FLRT1: variants seen among roughly 807,000 people sequenced by gnomAD.
The protein encoded by FLRT1 is fibronectin leucine rich transmembrane protein 1.
FLRT1 carries 14 observed loss-of-function variants against 30.9 expected under a neutral mutation model. The ratio of observed to expected loss-of-function variants is 0.45; its 90% CI spans 0.30 to 0.71. FLRT1 has a LOEUF of 0.71. Ranked by LOEUF, FLRT1 falls within the 30% of genes least tolerant of loss-of-function variation. The pLI, the probability that FLRT1 is intolerant of heterozygous loss-of-function variation, is 0.08. For synonymous variants in FLRT1, 368 were observed against 430.4 expected, an observed-to-expected ratio of 0.85 and a Z score of 1.80; for missense variants, 737 against 949.2, an observed-to-expected ratio of 0.78 and a Z score of 2.94.
chr11:64,077,079 C>T (rs1204172296), intron 1 of FLRT1, among the ~76,000 whole-genome samples: 1 of 152,068 alleles, frequency 6.6e-6, no homozygotes, highest in Non-Finnish European at 1.5e-5. Flanking sequence ...AGACCCCAGA[C>T]CCCACAGGCC....
At chr11:64,084,576 C>A (rs1043074459) in intron 1 of FLRT1, among the ~76,000 whole-genome samples, 2 of 152,218 alleles carry the variant, frequency 1.3e-5, no homozygotes, top group African/African-American at 4.8e-5. Context: ...GCCTCACTTT[C>A]CTTCTCTGTA....
At chr11:64,107,711 G>T (rs1453599693) in intron 2 of FLRT1, among the ~76,000 whole-genome samples, 1 of 152,196 alleles carries the variant, frequency 6.6e-6, no homozygotes, top group Non-Finnish European at 1.5e-5. Flanking sequence ...CAGGGTGATG[G>T]GTGTGGCTGG....
At chr11:64,112,065 G>A (rs528162316) in intron 2 of FLRT1, among the ~76,000 whole-genome samples, 1 of 152,344 alleles carries the variant, frequency 6.6e-6, no homozygotes, top group South Asian at 2.1e-4. Flanking sequence ...CCATGGACAG[G>A]TCTCTGTGCC....
intron 2 of FLRT1, among the ~76,000 whole-genome samples, chr11:64,112,874 G>A (rs372324511): frequency 2.0e-5 from 3 of 152,250 alleles, no homozygotes; most frequent in East Asian, 3.8e-4. Flanking sequence ...CCCTGTAAGT[G>A]TGAAGGGAAC....
chr11:64,041,845 C>T (rs1249262165), intron 1 of FLRT1, among the ~76,000 whole-genome samples: 4 of 152,138 alleles, frequency 2.6e-5, no homozygotes, highest in East Asian at 1.9e-4. Flanking sequence ...CATGGCAAGT[C>T]GCAGAGGGTC....
At chr11:64,060,496 G>A (rs1449475976) in intron 1 of FLRT1, 1 of 152,232 alleles carries the variant, frequency 6.6e-6, no homozygotes, top group Non-Finnish European at 1.5e-5. Context: ...CCTCACAGAT[G>A]CCTGGCGGCT....
chr11:64,079,273 G>A (rs1253488605), intron 1 of FLRT1, among the ~76,000 whole-genome samples: 1 of 152,138 alleles, frequency 6.6e-6, no homozygotes. Context: ...GCTCCCACCT[G>A]TGCTGTGTGC....
Position 64,036,544 on chromosome 11 carries a change from G to C in FLRT1, c.-1038+385G>C, listed in dbSNP as rs1241790022. ...CGTCAGGCCGGTCATGTGGGTCCCA[G>C]CTCCCGCACTCGGGAACCGGAGGAG... On this transcript the variant is annotated intron_variant, in intron 1 of 2. Coordinates refer to ENST00000682287, the MANE Select transcript of FLRT1 (RefSeq NM_013280.5). The surrounding 1 kb of genome is among the most constrained non-coding windows in gnomAD (Gnocchi z 5.6). 6.6e-6 allele frequency among the ~76,000 whole-genome samples: 1 copy of C among 152,132 alleles called. No individual in the cohort carries two copies. The highest frequency in any genetic ancestry group is 1.5e-5 in the Non-Finnish European group (1 of 67,980).
intron 2 of FLRT1, among the ~76,000 whole-genome samples, chr11:64,113,871 C>CATGGATGGAAGGATGGATGG (rs572595392): frequency 3.9e-5 from 3 of 77,912 alleles, no homozygotes; most frequent in Non-Finnish European, 5.8e-5. Flanking sequence ...TGGATTGATA[C>CATGGATGGAAGGATGGATGG]ATGGATGGAT....
chr11:64,113,445 G>GATGC (rs1384102948), intron 2 of FLRT1, among the ~76,000 whole-genome samples: 1 of 151,772 alleles, frequency 6.6e-6, no homozygotes, highest in Non-Finnish European at 1.5e-5. Flanking sequence ...TGGATGGATG[G>GATGC]ATGGACAGGT....
chr11:64,081,718 C>G (rs901055531), intron 1 of FLRT1: 2 of 152,096 alleles, frequency 1.3e-5, no homozygotes, highest in African/African-American at 4.8e-5. Context: ...GAAGCCTGTT[C>G]CTGCTTGGGG....
chr11:64,075,210 T>C (rs1276531270), intron 1 of FLRT1, among the ~76,000 whole-genome samples: 2 of 152,216 alleles, frequency 1.3e-5, no homozygotes, highest in Non-Finnish European at 2.9e-5. Flanking sequence ...ACCATTCTGA[T>C]CCACATGCCA....
At chr11:64,056,329 G>A (rs1024922671) in intron 1 of FLRT1, among the ~76,000 whole-genome samples, 1 of 151,950 alleles carries the variant, frequency 6.6e-6, no homozygotes, top group Non-Finnish European at 1.5e-5. Flanking sequence ...TGCTCCTCCC[G>A]CTACCCCGCC....
chr11:64,088,364 G>A (rs1439885221), intron 1 of FLRT1, among the ~76,000 whole-genome samples: 1 of 152,178 alleles, frequency 6.6e-6, no homozygotes, highest in Non-Finnish European at 1.5e-5. Context: ...GTGGGGCCTT[G>A]GGCGTGACTG....
rs551095306 is a variant in FLRT1 at position 64,064,312 on chromosome 11, G to C, written c.-1038+28153G>C. 2.6e-5 allele frequency among the ~76,000 whole-genome samples: 4 copies of C among 152,342 alleles called. No individual in the cohort carries two copies. The highest frequency in any genetic ancestry group is 1.9e-4 in the East Asian group (1 of 5,182). On this transcript the variant is annotated intron_variant, in intron 1 of 2. Transcript: ENST00000682287. This position sits in a 1 kb window ranked among gnomAD's most constrained non-coding sequence, Gnocchi z 4.5. ...GCAGCCCTGTTCAGGCGGCGGGTAG[G>C]GGGGTGATGTCTCATCAGAAGAGGG...
intron 2 of FLRT1, among the ~76,000 whole-genome samples, chr11:64,112,792 A>AGGACCAGGAGAGGGGAAT (rs1229875782): frequency 6.6e-6 from 1 of 152,176 alleles, no homozygotes; most frequent in Admixed American, 6.5e-5. Context: ...CCAGGCCAAC[A>AGGACCAGGAGAGGGGAAT]GGGGTGCCAC....
intron 1 of FLRT1, among the ~76,000 whole-genome samples, chr11:64,088,593 C>T (rs1397777440): frequency 6.9e-6 from 1 of 145,822 alleles, no homozygotes; most frequent in Non-Finnish European, 1.5e-5. Flanking sequence ...CAGGTCTCTC[C>T]TCCTCCTCCC....
chr11:64,093,584 G>A (rs1944527639), intron 1 of FLRT1, among the ~76,000 whole-genome samples: 1 of 152,222 alleles, frequency 6.6e-6, no homozygotes, highest in Non-Finnish European at 1.5e-5. Flanking sequence ...TTCCCTCCCA[G>A]TCCTTCCAGT....
chr11:64,106,187 A>G lies in FLRT1; in HGVS notation c.-50+2006A>G, dbSNP rs537518907. Among the ~76,000 whole-genome samples, 374 of 152,244 alleles carry G rather than the reference A, an allele frequency of 2.5e-3. 4 individuals carry two copies. Among genetic ancestry groups the G allele is most frequent in the African/African-American group, 8.7e-3 (361 of 41,550 alleles). On this transcript the variant is annotated intron_variant, in intron 2 of 2. Transcript: ENST00000682287. ...GGGAAGGGGAGAGCTCCAGACATCG[A>G]GTCTGAGGCCTGGGTTTGTGGCCAC...
Sources: gnomAD v4.1 joint callset for allele counts (sites outside exome capture counted in the v4.1 genomes callset) on GRCh38, gnomAD v4.1.1 for gene constraint, Gnocchi (gnomAD v3.1) non-coding constraint, MANE v1.5 for transcripts, NCBI Gene and HGNC (gene_info 2026-07-23, HGNC 2026-07-21) for gene names.